The following COL11A2 variants were observed in gnomAD, a reference collection of about 807,000 sequenced individuals.
COL11A2 encodes collagen alpha-2(XI) chain.
In COL11A2, 116 loss-of-function variants were observed where a neutral mutation model predicts 273.4. The ratio of observed to expected loss-of-function variants is 0.42; its 90% CI spans 0.36 to 0.49. COL11A2 has a LOEUF of 0.49. Ranked by LOEUF, COL11A2 falls within the 20% of genes least tolerant of loss-of-function variation. COL11A2 has a pLI of 0.00. For synonymous variants in COL11A2, 782 were observed against 864.2 expected (o/e 0.90, Z 1.67); for missense variants, 1,866 against 2,309.0 (o/e 0.81, Z 3.93).
rs755047854 is a variant in COL11A2, at chr6:33,165,895, G to A, written c.4482+36C>T. On this transcript the variant is annotated intron_variant, in intron 62 of 65. Coordinates refer to ENST00000341947, the MANE Select transcript of COL11A2 (RefSeq NM_080680.3). The surrounding 1 kb of genome is among the most constrained non-coding windows in gnomAD (Gnocchi z 7.7). ...AGTGTGGCAGCAGTGGAGCAGAGGG[G>A]TACGGCCCTGGGAGCAGCCCTGACT... 1.3e-5 allele frequency: 21 copies of A among 1,613,630 alleles called. No homozygotes were observed. In the South Asian group the frequency reaches 2.0e-4, roughly 15 times the overall value.
At chr6:33,182,732 G>A (rs1400249107) in intron 8 of COL11A2, among the ~76,000 whole-genome samples, 2 of 151,634 alleles carry the variant, frequency 1.3e-5, no homozygotes, top group African/African-American at 2.4e-5. Context: ...AAATTGGAGA[G>A]CAGTCCCCAC....
In COL11A2 at chr6:33,165,457, C is replaced by T. The variant is rs1277900321; in HGVS notation, c.4750+92G>A. 1 of 1,584,262 alleles carries T rather than the reference C, an allele frequency of 6.3e-7. No individual in the cohort carries two copies. Among genetic ancestry groups the T allele is most frequent in the African/African-American group, 1.3e-5 (1 of 74,664 alleles). ...CCCTCAGCCCTCACCCTTAACCCAA[C>T]ACCTTCACCAAGACTCCCCCAGCAT... On this transcript the variant is annotated intron_variant, in intron 63 of 65. Transcript: ENST00000341947. This position sits in a 1 kb window ranked among gnomAD's most constrained non-coding sequence, Gnocchi z 7.7.
Position 33,173,092 on chromosome 6 carries a change from G to A in COL11A2, c.2758C>T (p.Pro920Ser), listed in dbSNP as rs727502940. 4 of 1,612,618 alleles carry A rather than the reference G, an allele frequency of 2.5e-6. No homozygotes were observed. The highest frequency in any genetic ancestry group is 2.2e-5 in the South Asian group (2 of 90,972). The change falls in exon 38 of 66, where the codon CCC becomes TCC. Residue 920 changes from proline (P) to serine (S), a missense_variant. Physicochemically the swap from Pro to Ser is moderately conservative, Grantham distance 74. Transcript: ENST00000341947. This position sits in a 1 kb window ranked among gnomAD's most constrained non-coding sequence, Gnocchi z 6.3. Reference sequence around the variant, plus strand: ...CCCACCACTCCTGGAGGACCAGGGGGGCCGGTCTTCCCTTGGAAACCCTAG... The same window carrying A: ...CCCACCACTCCTGGAGGACCAGGGGAGCCGGTCTTCCCTTGGAAACCCTAG... ...GEVGFQGKTGPPGPPGVVGPQ... is the reference protein window; with the variant it reads ...GEVGFQGKTGSPGPPGVVGPQ...
chr6:33,179,162 A>G lies in COL11A2; in HGVS notation c.1558-36T>C. The G allele has an allele frequency of 2.0e-5, 33 of 1,612,310 alleles. No homozygotes were observed. The highest frequency in any genetic ancestry group is 2.8e-5 in the Non-Finnish European group (33 of 1,179,194). ...GAGAGATGGGGTGGGGTTAGGAGGC[A>G]TAGGGAGGGGAGTGAGGGAGACTGA... On this transcript the variant is annotated intron_variant, in intron 15 of 65. Coordinates refer to ENST00000341947, the MANE Select transcript of COL11A2 (RefSeq NM_080680.3). This position sits in a 1 kb window ranked among gnomAD's most constrained non-coding sequence, Gnocchi z 6.4.
Position 33,170,722 on chromosome 6 carries a change from G to A in COL11A2, c.3474+88C>T, listed in dbSNP as rs564372036. On this transcript the variant is annotated intron_variant, in intron 46 of 65. Coordinates refer to ENST00000341947, the MANE Select transcript of COL11A2 (RefSeq NM_080680.3). This position sits in a 1 kb window ranked among gnomAD's most constrained non-coding sequence, Gnocchi z 4.3. ...TCAGACTCCGCAGGCCCTCCAGTCTGCATCGGCAGGCTGCTGGCAGAGTCT... is the reference window on the plus strand; with the variant it reads ...TCAGACTCCGCAGGCCCTCCAGTCTACATCGGCAGGCTGCTGGCAGAGTCT... 3.9e-5 allele frequency: 62 copies of A among 1,575,912 alleles called. No homozygotes were observed. The South Asian group carries it at 4.3e-4, about 11-fold the overall frequency.
chr6:33,178,769 C>T lies in COL11A2; in HGVS notation c.1666-37G>A. The T allele has an allele frequency of 6.2e-7, 1 of 1,612,104 alleles. No individual in the cohort carries two copies. The highest frequency in any genetic ancestry group is 1.1e-5 in the South Asian group (1 of 91,076). The stretch of plus-strand genomic sequence containing the variant: ...AAGGATAGCCAGAGTGAGGACACGA[C>T]CCTGTCCAAGCCCACCCCTCCCTAC... On this transcript the variant is annotated intron_variant, in intron 17 of 65. Coordinates refer to ENST00000341947, the MANE Select transcript of COL11A2 (RefSeq NM_080680.3). The surrounding 1 kb of genome is among the most constrained non-coding windows in gnomAD (Gnocchi z 4.6).
In COL11A2 at chr6:33,169,090, C is replaced by T; in HGVS notation, c.3799-82G>A. On this transcript the variant is annotated intron_variant, in intron 51 of 65. Transcript: ENST00000341947. The surrounding 1 kb of genome is among the most constrained non-coding windows in gnomAD (Gnocchi z 5.5). ...AGACGCCCACAGGCACACGCCACTG[C>T]CTCTCTAGAGGCAGTGCCCACCAGT... The T allele has an allele frequency of 7.2e-7, 1 of 1,397,970 alleles. No homozygotes were observed. The highest frequency in any genetic ancestry group is 1.4e-5 in the South Asian group (1 of 73,648). The allele number at this position is 1,397,970 out of a possible 1,614,324, so 86.6% of individuals were successfully genotyped here.
At position 33,177,965 on chromosome 6, in the gene COL11A2, CG is replaced by C. The variant is rs1012480752; in HGVS notation, c.1872+166del. ...CACGCCACATGGCCCTCCCTGTGCA[CG>C]GGGAGCGAATGCTGAGGCAGGGCAG... On this transcript the variant is annotated intron_variant, in intron 21 of 65. Coordinates refer to ENST00000341947, the MANE Select transcript of COL11A2 (RefSeq NM_080680.3). This position sits in a 1 kb window ranked among gnomAD's most constrained non-coding sequence, Gnocchi z 5.9. 75 of 826,986 alleles carry C rather than the reference CG, an allele frequency of 9.1e-5. No homozygotes were observed. The highest frequency in any genetic ancestry group is 4.4e-5 in the Non-Finnish European group (23 of 517,558). 51.2% of individuals were successfully genotyped at this position (826,986 alleles called of 1,614,324 possible). A position where few individuals can be genotyped will look rare whatever the true frequency, so the allele number is the denominator to read the frequency against.
At position 33,173,097 on chromosome 6, in the gene COL11A2, G is replaced by C. The variant is rs1458543265; in HGVS notation, c.2753C>G (p.Thr918Ser). ...QRGEVGFQGK[T>S]GPPGPPGVVG... ...CACTCCTGGAGGACCAGGGGGGCCG[G>C]TCTTCCCTTGGAAACCCTAGGCGAG... Residue 918 changes from threonine (T) to serine (S), a missense_variant, in exon 38 of 66, where the codon ACC becomes AGC. Coordinates refer to ENST00000341947, the MANE Select transcript of COL11A2 (RefSeq NM_080680.3). The surrounding 1 kb of genome is among the most constrained non-coding windows in gnomAD (Gnocchi z 6.3). 6.2e-7 allele frequency: 1 copy of C among 1,612,076 alleles called. No homozygotes were observed. Among genetic ancestry groups the C allele is most frequent in the Non-Finnish European group, 8.5e-7 (1 of 1,179,718 alleles).
Position 33,192,275 on chromosome 6 carries a change from C to T in COL11A2, c.-35G>A. 2 of 1,548,032 alleles carry T rather than the reference C, an allele frequency of 1.3e-6. No homozygotes were observed. The highest frequency in any genetic ancestry group is 1.7e-6 in the Non-Finnish European group (2 of 1,145,870). On this transcript the variant is annotated 5_prime_UTR_variant, in exon 1 of 66. Coordinates refer to ENST00000341947, the MANE Select transcript of COL11A2 (RefSeq NM_080680.3). Reference sequence around the variant, plus strand: ...GCCGAAACGCCGGGTCCCAGGGACCCAGGTCGGCCTGAGACGCTGGATGCC... The same window carrying T: ...GCCGAAACGCCGGGTCCCAGGGACCTAGGTCGGCCTGAGACGCTGGATGCC...
In COL11A2 at chr6:33,179,726, T is replaced by C; in HGVS notation, c.1439A>G (p.Gln480Arg). 6.2e-7 allele frequency: 1 copy of C among 1,612,186 alleles called. No individual in the cohort carries two copies. Among genetic ancestry groups the C allele is most frequent in the South Asian group, 1.1e-5 (1 of 91,084 alleles). Residue 480 changes from glutamine (Q) to arginine (R), a missense_variant, in exon 13 of 66, where the codon CAG becomes CGG. Coordinates refer to ENST00000341947, the MANE Select transcript of COL11A2 (RefSeq NM_080680.3). This position sits in a 1 kb window ranked among gnomAD's most constrained non-coding sequence, Gnocchi z 6.4. ...QEAQAQAILQ[Q>R]ARLALRGPPG... ...GGAAGCAGCCCCACTCACCCTCGCC[T>C]GCTGCAGGATCGCCTGGGCCTGAGC...
chr6:33,178,942 A>C lies in COL11A2; in HGVS notation c.1643T>G (p.Met548Arg), dbSNP rs1261814332. 1.2e-6 allele frequency: 2 copies of C among 1,614,100 alleles called. No homozygotes were observed. The highest frequency in any genetic ancestry group is 4.5e-5 in the East Asian group (2 of 44,862). Residue 548 changes from methionine to arginine, a missense_variant, in exon 17 of 66, where the codon ATG becomes AGG. Coordinates refer to ENST00000341947, the MANE Select transcript of COL11A2 (RefSeq NM_080680.3). This position sits in a 1 kb window ranked among gnomAD's most constrained non-coding sequence, Gnocchi z 4.6. The part of the protein sequence containing the change: ...GRAGADGARG[M>R]PGDPGVKGDR... The stretch of plus-strand genomic sequence containing the variant: ...TACCTTCACTCCAGGATCTCCAGGC[A>C]TCCCTCGGGCTCCATCAGCACCTGC...
intron 9 of COL11A2, 41 bp downstream of exon 9, chr6:33,181,067 TCTC>T (rs1378171518): frequency 2.0e-5 from 32 of 1,613,894 alleles, no homozygotes; most frequent in Non-Finnish European, 2.7e-5. Flanking sequence ...CCCACTTGCT[TCTC>T]CTATTTCCAC....
intron 41 of COL11A2, 102 bp downstream of exon 41, chr6:33,171,948 C>A (rs1374776929): frequency 1.3e-6 from 2 of 1,539,616 alleles, no homozygotes; most frequent in African/African-American, 2.7e-5. Context: ...ACAGCCTCTG[C>A]CCAGCCCCAC....
chr6:33,164,199 G>T lies in COL11A2; in HGVS notation c.5070+68C>A. ...TCCCCCTGGGTGCCCTGCCCAAGGGGTCTTCCCACCTCCTTCCTCCAGCCT... is the reference window on the plus strand; with the variant it reads ...TCCCCCTGGGTGCCCTGCCCAAGGGTTCTTCCCACCTCCTTCCTCCAGCCT... On this transcript the variant is annotated intron_variant, in intron 65 of 65. Coordinates refer to ENST00000341947, the MANE Select transcript of COL11A2 (RefSeq NM_080680.3). This position sits in a 1 kb window ranked among gnomAD's most constrained non-coding sequence, Gnocchi z 4.7. 1.9e-6 allele frequency: 3 copies of T among 1,573,610 alleles called. No individual in the cohort carries two copies. Among genetic ancestry groups the T allele is most frequent in the East Asian group, 2.3e-5 (1 of 44,262 alleles).
At chr6:33,181,476 T>G (rs1391377965) in intron 8 of COL11A2, among the ~76,000 whole-genome samples, 1 of 152,100 alleles carries the variant, frequency 6.6e-6, no homozygotes. Context: ...TTTGTTTGTT[T>G]GTTTTTCTTT....
In COL11A2 at chr6:33,166,362, T is replaced by C. The variant is rs1281891109; in HGVS notation, c.4392+151A>G. Reference sequence around the variant, plus strand: ...TAGGACATTCAGAGCCCTGGAAGTATGGGGAGGAGGTACTGGTGGTGACAG... The same window carrying C: ...TAGGACATTCAGAGCCCTGGAAGTACGGGGAGGAGGTACTGGTGGTGACAG... On this transcript the variant is annotated intron_variant, in intron 60 of 65. Coordinates refer to ENST00000341947, the MANE Select transcript of COL11A2 (RefSeq NM_080680.3). The surrounding 1 kb of genome is among the most constrained non-coding windows in gnomAD (Gnocchi z 4.8). The C allele has an allele frequency of 4.1e-6, 5 of 1,222,178 alleles. No homozygotes were observed. Among genetic ancestry groups the C allele is most frequent in the African/African-American group, 1.5e-5 (1 of 66,572 alleles). 75.7% of individuals were successfully genotyped at this position (1,222,178 alleles called of 1,614,324 possible). A position where few individuals can be genotyped will look rare whatever the true frequency, so the allele number is the denominator to read the frequency against.
At chr6:33,175,270 C>T (rs564554096) in intron 30 of COL11A2, among the ~76,000 whole-genome samples, 2 of 152,264 alleles carry the variant, frequency 1.3e-5, no homozygotes, top group South Asian at 4.1e-4. Flanking sequence ...TGCTATTAGA[C>T]TCTCTCATCT....
Position 33,179,230 on chromosome 6 carries a change from C to A in COL11A2, c.1557+1G>T. On this transcript the variant is annotated splice_donor_variant, in intron 15 of 65. Coordinates refer to ENST00000341947, the MANE Select transcript of COL11A2 (RefSeq NM_080680.3). LOFTEE classifies it high-confidence loss of function. This position sits in a 1 kb window ranked among gnomAD's most constrained non-coding sequence, Gnocchi z 6.4. ...GGGGTGCAGTGGAGGAAAGTGGTCA[C>A]CTGAGGTCCTAAGTCTCCAGACTCT... 6.2e-7 allele frequency: 1 copy of A among 1,612,150 alleles called. No homozygotes were observed. Among genetic ancestry groups the A allele is most frequent in the Non-Finnish European group, 8.5e-7 (1 of 1,179,446 alleles).
Sources: allele counts gnomAD v4.1 joint callset (sites outside exome capture counted in the v4.1 genomes callset), GRCh38; gene constraint gnomAD v4.1.1; non-coding constraint Gnocchi (gnomAD v3.1); transcripts MANE v1.5; gene names NCBI Gene and HGNC (gene_info 2026-07-23, HGNC 2026-07-21).